BTRC: variants seen among roughly 807,000 people sequenced by gnomAD.
BTRC encodes the protein F-box/WD repeat-containing protein 1A.
Under a neutral mutation model 85.5 loss-of-function variants are expected in BTRC, and 42 were observed. The ratio of observed to expected loss-of-function variants is 0.49; its 90% CI spans 0.38 to 0.64. The LOEUF (loss-of-function observed/expected upper bound fraction) is 0.64. BTRC is among the 30% of genes least tolerant of loss of function. BTRC has a pLI of 0.00. For missense variants in BTRC, 594 were observed against 743.5 expected, an observed-to-expected ratio of 0.80 and a Z score of 2.34; for synonymous variants, 255 against 263.3, an observed-to-expected ratio of 0.97 and a Z score of 0.30.
chr10:101,388,556 C>T (rs904172689), intron 1 of BTRC, among the ~76,000 whole-genome samples: 4 of 152,016 alleles, frequency 2.6e-5, no homozygotes, highest in Non-Finnish European at 4.4e-5. Flanking sequence ...GTGGCATGAT[C>T]TCAGCTCACT....
intron 4 of BTRC, among the ~76,000 whole-genome samples, chr10:101,495,531 A>C (rs1304662453): frequency 2.0e-5 from 3 of 152,222 alleles, no homozygotes. Context: ...TGCTAGAGGG[A>C]GCTCTAACCT....
intron 2 of BTRC, among the ~76,000 whole-genome samples, chr10:101,443,867 G>A (rs1156848851): frequency 2.0e-5 from 3 of 152,180 alleles, no homozygotes; most frequent in Non-Finnish European, 4.4e-5. Context: ...ACTCCGATTC[G>A]ATTCACAGAG....
At chr10:101,435,289 G>A (rs539912754) in intron 2 of BTRC, among the ~76,000 whole-genome samples, 2 of 152,074 alleles carry the variant, frequency 1.3e-5, no homozygotes, top group East Asian at 3.9e-4. Flanking sequence ...GCATACTTTT[G>A]TGTAACCTTC....
chr10:101,360,227 G>A (rs1484522943), intron 1 of BTRC, among the ~76,000 whole-genome samples: 3 of 151,854 alleles, frequency 2.0e-5, no homozygotes, highest in East Asian at 3.9e-4. Flanking sequence ...GCTAAATTTT[G>A]TGTTTTTAGT....
At chr10:101,387,979 C>T (rs1943129013) in intron 1 of BTRC, among the ~76,000 whole-genome samples, 1 of 152,068 alleles carries the variant, frequency 6.6e-6, no homozygotes, top group African/African-American at 2.4e-5. Flanking sequence ...TGTGAGCCAC[C>T]ATGCCCGGCC....
At chr10:101,522,388 A>AAAAAC (rs2062126860) in intron 5 of BTRC, among the ~76,000 whole-genome samples, 1 of 136,162 alleles carries the variant, frequency 7.3e-6, no homozygotes, top group Non-Finnish European at 1.6e-5. Context: ...AAAAAAAAAA[A>AAAAAC]AACTCTAGAA....
At chr10:101,374,934 A>G (rs1351411978) in intron 1 of BTRC, among the ~76,000 whole-genome samples, 1 of 152,182 alleles carries the variant, frequency 6.6e-6, no homozygotes, top group Non-Finnish European at 1.5e-5. Context: ...TCTATTGGGA[A>G]CACAGTTTTA....
intron 5 of BTRC, among the ~76,000 whole-genome samples, chr10:101,523,766 T>C (rs1400616233): frequency 6.6e-6 from 1 of 152,208 alleles, no homozygotes; most frequent in Non-Finnish European, 1.5e-5. Context: ...TTTTTCTAAA[T>C]TTGTGTTCTC....
chr10:101,544,235 AAG>A (rs979944581), intron 13 of BTRC, among the ~76,000 whole-genome samples: 2 of 152,132 alleles, frequency 1.3e-5, no homozygotes, highest in African/African-American at 2.4e-5. Context: ...TAATGGAAAA[AAG>A]AGAGTTTATT....
At chr10:101,515,025 G>A (rs184559056) in intron 4 of BTRC, among the ~76,000 whole-genome samples, 3 of 151,522 alleles carry the variant, frequency 2.0e-5, no homozygotes, top group African/African-American at 7.3e-5. Context: ...GCACGATCTC[G>A]GCTCACTGCA....
intron 1 of BTRC, among the ~76,000 whole-genome samples, chr10:101,418,585 A>G (rs1389168542): frequency 6.6e-6 from 1 of 152,060 alleles, no homozygotes; most frequent in Non-Finnish European, 1.5e-5. Flanking sequence ...TACCTTGGCA[A>G]TAGTTTAGAC....
At chr10:101,426,603 G>A (rs1015847212) in intron 1 of BTRC, among the ~76,000 whole-genome samples, 1 of 152,126 alleles carries the variant, frequency 6.6e-6, no homozygotes, top group Non-Finnish European at 1.5e-5. Flanking sequence ...AAGTGTGTTA[G>A]AACGAGTAAG....
intron 1 of BTRC, among the ~76,000 whole-genome samples, chr10:101,367,682 A>C (rs1228975278): frequency 6.6e-6 from 1 of 152,200 alleles, no homozygotes; most frequent in African/African-American, 2.4e-5. Context: ...ATGTAAGCTC[A>C]TCTAAATGGA....
chr10:101,478,385 C>T (rs1297148672), intron 3 of BTRC, among the ~76,000 whole-genome samples: 1 of 151,552 alleles, frequency 6.6e-6, no homozygotes, highest in African/African-American at 2.4e-5. Flanking sequence ...CTTTTTAAAG[C>T]CAAAAGTCAA....
At chr10:101,424,531 A>G (rs1366409753) in intron 1 of BTRC, among the ~76,000 whole-genome samples, 1 of 152,198 alleles carries the variant, frequency 6.6e-6, no homozygotes, top group Non-Finnish European at 1.5e-5. Flanking sequence ...GTTGATTATT[A>G]TAGCTTCTGT....
At chr10:101,459,756 A>T (rs1564786061) in intron 2 of BTRC, among the ~76,000 whole-genome samples, 1 of 152,152 alleles carries the variant, frequency 6.6e-6, no homozygotes, top group Non-Finnish European at 1.5e-5. Context: ...ACATTTTCAT[A>T]ATACCCACCC....
At chr10:101,388,646 C>T (rs898437513) in intron 1 of BTRC, among the ~76,000 whole-genome samples, 7 of 151,622 alleles carry the variant, frequency 4.6e-5, no homozygotes, top group Non-Finnish European at 5.9e-5. Flanking sequence ...CCCACCACCA[C>T]GCTTGGCTAA....
intron 1 of BTRC, among the ~76,000 whole-genome samples, chr10:101,408,401 G>A (rs973107467): frequency 6.6e-6 from 1 of 151,996 alleles, no homozygotes; most frequent in African/African-American, 2.4e-5. Context: ...TGCCCTCCCA[G>A]CCTCAAGTGA....
At position 101,522,014 on chromosome 10, in the gene BTRC, C is replaced by CT. The variant is rs1194237945; in HGVS notation, c.556+180dup. 157 of 67,882 alleles carry CT rather than the reference C, an allele frequency of 2.3e-3. 45 individuals are homozygous for CT. The highest frequency in any genetic ancestry group is 6.6e-3 in the African/African-American group (45 of 6,834). 4.2% of individuals were successfully genotyped at this position (67,882 alleles called of 1,614,324 possible). On this transcript the variant is annotated intron_variant, in intron 5 of 14. Transcript: ENST00000370187. Reference sequence around the variant, plus strand: ...TTAACTGTACCTTTTTGATATAAAGCTTTTTTTTTTTTTTTTTTTTTTTTT... The same window carrying CT: ...TTAACTGTACCTTTTTGATATAAAGCTTTTTTTTTTTTTTTTTTTTTTTTTT...
Sources: gnomAD v4.1 joint callset for allele counts (sites outside exome capture counted in the v4.1 genomes callset) on GRCh38, gnomAD v4.1.1 for gene constraint, MANE v1.5 for transcripts, NCBI Gene and HGNC (gene_info 2026-07-23, HGNC 2026-07-21) for gene names.